CDYL: variants seen among roughly 807,000 people sequenced by gnomAD.
The protein encoded by CDYL is chromodomain Y like.
In CDYL, 8 loss-of-function variants were observed where a neutral mutation model predicts 47.3. That is an observed-to-expected ratio of 0.17 (90% CI 0.10 to 0.31). The LOEUF is 0.31. Ranked by LOEUF, CDYL falls within the 10% of genes least tolerant of loss-of-function variation. The pLI is 1.00. For missense variants in CDYL, 471 were observed against 701.4 expected (o/e 0.67, Z 3.71); for synonymous variants, 266 against 265.0 (o/e 1.00, Z -0.04).
chr6:4,855,065 G>A (rs191225110), intron 1 of CDYL, among the ~76,000 whole-genome samples: 4 of 152,254 alleles, frequency 2.6e-5, no homozygotes, highest in Admixed American at 2.0e-4. Context: ...GGTTGCTTTA[G>A]GATAAAATGA....
Position 4,776,822 on chromosome 6 carries a change from C to T in CDYL, c.24+15C>T. The T allele has an allele frequency of 9.7e-7, 1 of 1,028,480 alleles. No homozygotes were observed. Among genetic ancestry groups the T allele is most frequent in the Non-Finnish European group, 1.2e-6 (1 of 843,594 alleles). 63.7% of individuals were successfully genotyped at this position (1,028,480 alleles called of 1,614,324 possible). On this transcript the variant is annotated intron_variant, in intron 1 of 6. Coordinates refer to ENST00000397588, the MANE Select transcript of CDYL (RefSeq NM_004824.4). Reference sequence around the variant, plus strand: ...AGCTGTACGAGGTACCTCCCCTCCCCCCGGCCTCGGGCCGCCCCCCGCCCG... The same window carrying T: ...AGCTGTACGAGGTACCTCCCCTCCCTCCGGCCTCGGGCCGCCCCCCGCCCG...
intron 2 of CDYL, among the ~76,000 whole-genome samples, chr6:4,732,786 A>G (rs10458179): frequency 0.012 from 1,824 of 152,298 alleles, 17 homozygotes; most frequent in Non-Finnish European, 0.016. Flanking sequence ...GGAGGAAAAC[A>G]GATTCAAGTT....
intron 3 of CDYL, among the ~76,000 whole-genome samples, chr6:4,739,850 G>C (rs930996245): frequency 4.6e-5 from 7 of 152,136 alleles, no homozygotes; most frequent in Non-Finnish European, 1.0e-4. Flanking sequence ...CTACTCGGGA[G>C]GCTGAGACAG....
At chr6:4,714,222 G>A (rs1412809967) in intron 1 of CDYL, 1 of 152,190 alleles carries the variant, frequency 6.6e-6, no homozygotes, top group African/African-American at 2.4e-5. Context: ...CTGCCTCTCG[G>A]TGGGTATTTA....
rs11970262 is a variant in CDYL at position 4,931,342 on chromosome 6, G to A, written c.692-4173G>A. Among the ~76,000 whole-genome samples the A allele has an allele frequency of 2.8e-3, 432 of 152,324 alleles. 2 individuals carry two copies. The highest frequency in any genetic ancestry group is 7.7e-3 in the African/African-American group (319 of 41,568). On this transcript the variant is annotated intron_variant, in intron 2 of 6. Transcript: ENST00000397588. ...ATAAACCAGGGTGATATGAAGTGCT[G>A]ATGGCAGGGACCAGCATTAGGATGG...
chr6:4,912,491 C>T (rs1021711530), intron 2 of CDYL, among the ~76,000 whole-genome samples: 8 of 152,174 alleles, frequency 5.3e-5, no homozygotes, highest in Admixed American at 3.3e-4. Flanking sequence ...GGCGGAACGC[C>T]GTAGGGCTTT....
chr6:4,846,199 A>AT (rs1491287345), intron 1 of CDYL, among the ~76,000 whole-genome samples: 1 of 150,466 alleles, frequency 6.6e-6, no homozygotes, highest in East Asian at 1.9e-4. Flanking sequence ...AAAAAAAAAA[A>AT]GGTGGATATG....
chr6:4,776,230 C>T (rs1030968002), upstream of CDYL, among the ~76,000 whole-genome samples: 2 of 143,062 alleles, frequency 1.4e-5, no homozygotes, highest in East Asian at 2.1e-4. Context: ...CTCCCGGCCC[C>T]GCCGGCCGCC....
At chr6:4,728,444 G>A (rs778304507) in intron 2 of CDYL, among the ~76,000 whole-genome samples, 5 of 152,076 alleles carry the variant, frequency 3.3e-5, no homozygotes, top group Admixed American at 2.6e-4. Context: ...TTCCTCTTCC[G>A]TCCCGCTTGC....
At chr6:4,746,910 C>A (rs1757908775) in intron 3 of CDYL, among the ~76,000 whole-genome samples, 1 of 152,130 alleles carries the variant, frequency 6.6e-6, no homozygotes, top group Non-Finnish European at 1.5e-5. Context: ...TCTTGGGGGT[C>A]CTGCTCCATG....
At chr6:4,911,065 A>T (rs774001788) in intron 2 of CDYL, among the ~76,000 whole-genome samples, 26 of 152,130 alleles carry the variant, frequency 1.7e-4, no homozygotes, top group Non-Finnish European at 3.5e-4. Flanking sequence ...TGACCTCGTG[A>T]TCCACCCGCC....
At chr6:4,919,290 C>T (rs1399042719) in intron 2 of CDYL, among the ~76,000 whole-genome samples, 2 of 151,544 alleles carry the variant, frequency 1.3e-5, no homozygotes, top group African/African-American at 4.9e-5. Context: ...GGCTGGCATA[C>T]AGCAGTTCCA....
At chr6:4,818,806 A>C (rs886251037) in intron 1 of CDYL, among the ~76,000 whole-genome samples, 1 of 152,194 alleles carries the variant, frequency 6.6e-6, no homozygotes, top group Non-Finnish European at 1.5e-5. Flanking sequence ...TGGATGTAAA[A>C]ATCATGTTAA....
intron 1 of CDYL, among the ~76,000 whole-genome samples, chr6:4,708,020 A>G (rs1757077478): frequency 6.6e-6 from 1 of 151,610 alleles, no homozygotes; most frequent in Non-Finnish European, 1.5e-5. Context: ...TTGTAGTTGG[A>G]AAACATTGTC....
chr6:4,938,376 C>T (rs578122475), intron 4 of CDYL, among the ~76,000 whole-genome samples: 1 of 152,228 alleles, frequency 6.6e-6, no homozygotes, highest in South Asian at 2.1e-4. Flanking sequence ...AGGTATCCAA[C>T]ATTCATTGGT....
intron 2 of CDYL, among the ~76,000 whole-genome samples, chr6:4,730,662 G>A (rs186765586): frequency 5.2e-5 from 5 of 96,722 alleles, no homozygotes; most frequent in Admixed American, 5.2e-4. Context: ...CAACAAGAGC[G>A]AAATTCCATC....
chr6:4,814,798 C>A (rs980128531), intron 1 of CDYL, among the ~76,000 whole-genome samples: 4 of 152,200 alleles, frequency 2.6e-5, no homozygotes, highest in African/African-American at 9.6e-5. Context: ...GCTGGAATTA[C>A]AGGTGGGAGC....
chr6:4,952,238 A>G (rs1370132667), intron 5 of CDYL, 28 bp from the exon 6 acceptor site: 2 of 1,606,170 alleles, frequency 1.2e-6, no homozygotes, highest in Admixed American at 1.7e-5. Flanking sequence ...ACCGCAATTC[A>G]TATTACATCC....
chr6:4,790,147 A>G (rs915663255), intron 1 of CDYL, among the ~76,000 whole-genome samples: 16 of 152,218 alleles, frequency 1.1e-4, no homozygotes, highest in Admixed American at 2.0e-4. Context: ...TATATGCTGT[A>G]TTAGCAAGAA....
Sources: gnomAD v4.1 joint callset for allele counts (sites outside exome capture counted in the v4.1 genomes callset) on GRCh38, gnomAD v4.1.1 for gene constraint, MANE v1.5 for transcripts, NCBI Gene and HGNC (gene_info 2026-07-23, HGNC 2026-07-21) for gene names.